The following MTREX variants were observed in gnomAD, a reference collection of about 807,000 sequenced individuals.
The protein encoded by MTREX is exosome RNA helicase MTR4.
MTREX carries 76 observed loss-of-function variants against 135.4 expected under a neutral mutation model. That is an observed-to-expected ratio of 0.56 (90% CI 0.47 to 0.68). The LOEUF (loss-of-function observed/expected upper bound fraction) is 0.68. Ranked by LOEUF, MTREX falls within the 30% of genes least tolerant of loss-of-function variation. The pLI, the probability that MTREX is intolerant of heterozygous loss-of-function variation, is 0.00. For missense variants in MTREX, 920 were observed against 1,262.1 expected, an observed-to-expected ratio of 0.73 and a Z score of 4.11; for synonymous variants, 404 against 401.6, an observed-to-expected ratio of 1.01 and a Z score of -0.07.
chr5:55,349,494 A>G (rs1379106413), intron 11 of MTREX, 79 bp from the exon 12 acceptor site: 3 of 808,680 alleles, frequency 3.7e-6, no homozygotes, highest in Non-Finnish European at 6.3e-6. Context: ...TGGCCTTTAG[A>G]TTCTTATTCT....
chr5:55,379,483 C>G (rs1750358665), intron 18 of MTREX, among the ~76,000 whole-genome samples: 1 of 151,520 alleles, frequency 6.6e-6, no homozygotes, highest in African/African-American at 2.4e-5. Context: ...CCGCACCAAG[C>G]CAGTCCTTTA....
chr5:55,358,230 A>G (rs895903617), intron 14 of MTREX, among the ~76,000 whole-genome samples: 3 of 152,246 alleles, frequency 2.0e-5, no homozygotes, highest in African/African-American at 7.2e-5. Flanking sequence ...ATTTGTAAGC[A>G]TAATTAACAG....
intron 19 of MTREX, among the ~76,000 whole-genome samples, chr5:55,390,251 C>T (rs533132065): frequency 6.9e-4 from 105 of 152,184 alleles, no homozygotes; most frequent in Admixed American, 3.7e-3. Flanking sequence ...TACAGGTGTT[C>T]GCCGCCGTGC....
chr5:55,325,497 AAT>A (rs756676369), intron 3 of MTREX, among the ~76,000 whole-genome samples: 1 of 149,452 alleles, frequency 6.7e-6, no homozygotes, highest in Non-Finnish European at 1.5e-5. Flanking sequence ...ACGCTTGGCT[AAT>A]TTTTTTTTTT....
In MTREX at chr5:55,424,700, C is replaced by CT; in HGVS notation, c.3077-18dup. 2 of 1,595,668 alleles carry CT rather than the reference C, an allele frequency of 1.3e-6. No individual in the cohort carries two copies. The highest frequency in any genetic ancestry group is 2.2e-5 in the South Asian group (2 of 90,608). ...GTTTTGTGGTCTTGAAAGTTTAAAC[C>CT]TTACTTTCTTTTCTCTTAGGAATCA... On this transcript the variant is annotated intron_variant, in intron 26 of 26. Coordinates refer to ENST00000230640, the MANE Select transcript of MTREX (RefSeq NM_015360.5).
intron 18 of MTREX, among the ~76,000 whole-genome samples, chr5:55,381,204 G>A (rs1471861124): frequency 6.6e-6 from 1 of 151,854 alleles, no homozygotes; most frequent in Non-Finnish European, 1.5e-5. Flanking sequence ...TGAGCTTTTG[G>A]TTTTACTGAT....
intron 22 of MTREX, among the ~76,000 whole-genome samples, chr5:55,410,283 C>T (rs773821077): frequency 1.6e-4 from 24 of 151,908 alleles, no homozygotes; most frequent in Non-Finnish European, 2.5e-4. Context: ...TCTTATTTCA[C>T]GAATGTGTGC....
At chr5:55,349,551 G>C in intron 11 of MTREX, 22 bp from the exon 12 acceptor site, 1 of 1,314,342 alleles carries the variant, frequency 7.6e-7, no homozygotes, top group Non-Finnish European at 1.1e-6. Flanking sequence ...TGATATTTCT[G>C]TACCCTTGAA....
chr5:55,324,404 G>C, intron 3 of MTREX: 1 of 165,456 alleles, frequency 6.0e-6, no homozygotes, highest in Non-Finnish European at 1.2e-5. Context: ...CTATAATCTT[G>C]GGTAAATTTC....
intron 9 of MTREX, 51 bp downstream of exon 9, chr5:55,344,671 A>G: frequency 1.9e-6 from 2 of 1,035,310 alleles, no homozygotes; most frequent in Non-Finnish European, 2.9e-6. Context: ...CTTTATTATT[A>G]ATATCTTGTT....
chr5:55,343,547 T>C (rs1421346159), intron 8 of MTREX, 92 bp downstream of exon 8: 1 of 1,091,998 alleles, frequency 9.2e-7, no homozygotes, highest in Non-Finnish European at 1.3e-6. Context: ...CCTGATGTTG[T>C]CCAGAATAAT....
chr5:55,308,093 A>G lies in MTREX; in HGVS notation c.80A>G (p.Lys27Arg), dbSNP rs1307690847. Residue 27 changes from lysine (K) to arginine (R), a missense_variant, in exon 1 of 27, where the codon AAG becomes AGG. By Grantham distance (26) the Lys-to-Arg change is conservative. Coordinates refer to ENST00000230640, the MANE Select transcript of MTREX (RefSeq NM_015360.5). ...STTAAGTKKD[K>R]EKDKGKWKGP... ...ACTGCGGCGGGAACCAAAAAAGACA[A>G]GGAAAAGGACAAGGGGAAATGGAAG... The G allele has an allele frequency of 1.9e-6, 3 of 1,613,976 alleles. No homozygotes were observed. The highest frequency in any genetic ancestry group is 2.2e-5 in the East Asian group (1 of 44,858).
intron 3 of MTREX, among the ~76,000 whole-genome samples, chr5:55,325,210 A>G (rs557092918): frequency 3.3e-5 from 5 of 152,074 alleles, no homozygotes; most frequent in African/African-American, 7.2e-5. Flanking sequence ...AAGACTTTCA[A>G]TGTAGGTTTA....
chr5:55,403,564 C>T (rs1750756359), intron 21 of MTREX, among the ~76,000 whole-genome samples: 1 of 152,184 alleles, frequency 6.6e-6, no homozygotes, highest in Non-Finnish European at 1.5e-5. Flanking sequence ...CTCTCTTCTA[C>T]CTTCTAAGCT....
intron 5 of MTREX, among the ~76,000 whole-genome samples, chr5:55,335,830 TA>T (rs1749545376): frequency 6.6e-6 from 1 of 152,172 alleles, no homozygotes; most frequent in South Asian, 2.1e-4. Flanking sequence ...TTGTTGAACT[TA>T]AAAATTAATT....
intron 22 of MTREX, among the ~76,000 whole-genome samples, chr5:55,406,984 G>A (rs988342677): frequency 2.0e-5 from 3 of 152,160 alleles, no homozygotes; most frequent in African/African-American, 7.2e-5. Flanking sequence ...TCATAAACTG[G>A]TAGCTCAAGC....
chr5:55,389,547 A>C (rs952771224), intron 19 of MTREX, among the ~76,000 whole-genome samples: 2 of 152,160 alleles, frequency 1.3e-5, no homozygotes, highest in Admixed American at 6.5e-5. Context: ...CTTTAAGGGG[A>C]TGCAGCTTAA....
chr5:55,371,307 A>C (rs1244411455), intron 16 of MTREX, among the ~76,000 whole-genome samples: 2 of 152,182 alleles, frequency 1.3e-5, no homozygotes, highest in African/African-American at 4.8e-5. Context: ...CTGTGCTTTT[A>C]CTTGTAAAAT....
At chr5:55,404,434 C>T (rs917167295) in intron 21 of MTREX, among the ~76,000 whole-genome samples, 1 of 152,124 alleles carries the variant, frequency 6.6e-6, no homozygotes, top group Admixed American at 6.5e-5. Flanking sequence ...AAAACCATTT[C>T]CAGCCTAGGC....
Sources: allele counts gnomAD v4.1 joint callset (sites outside exome capture counted in the v4.1 genomes callset), GRCh38; gene constraint gnomAD v4.1.1; transcripts MANE v1.5; gene names NCBI Gene and HGNC (gene_info 2026-07-23, HGNC 2026-07-21).